The following RNF220 variants were observed in gnomAD, a reference collection of about 807,000 sequenced individuals.
RNF220 encodes the protein E3 ubiquitin-protein ligase RNF220.
A neutral mutation model predicts 67.1 loss-of-function variants in RNF220; 7 were observed. That is an observed-to-expected ratio of 0.10 (90% confidence interval 0.06 to 0.20). The LOEUF (loss-of-function observed/expected upper bound fraction) is 0.20. Among genes scored for constraint, RNF220 ranks in the 10% least tolerant of loss-of-function variants. RNF220 has a pLI of 1.00. For missense variants in RNF220, 565 were observed against 740.3 expected, an observed-to-expected ratio of 0.76 and a Z score of 2.75; for synonymous variants, 270 against 283.2, an observed-to-expected ratio of 0.95 and a Z score of 0.47.
At chr1:44,584,616 C>T (rs74070538) in intron 2 of RNF220, among the ~76,000 whole-genome samples, 3,875 of 152,278 alleles carry the variant, frequency 0.025, 160 homozygotes, top group African/African-American at 0.088. Flanking sequence ...ACGTGGGGCT[C>T]AGGTATATGT....
intron 2 of RNF220, among the ~76,000 whole-genome samples, chr1:44,438,758 C>T (rs1457173811): frequency 6.6e-6 from 1 of 152,212 alleles, no homozygotes; most frequent in Non-Finnish European, 1.5e-5. Context: ...GAATAAAACA[C>T]ATAGACAAAA....
At chr1:44,640,378 C>CTA (rs1180948510) in intron 8 of RNF220, among the ~76,000 whole-genome samples, 1 of 152,236 alleles carries the variant, frequency 6.6e-6, no homozygotes, top group Non-Finnish European at 1.5e-5. Flanking sequence ...GACTCCCTAC[C>CTA]ATCTTTAGTT....
intron 7 of RNF220, 48 bp from the exon 8 acceptor site, chr1:44,635,982 A>G: frequency 6.2e-7 from 1 of 1,613,394 alleles, no homozygotes; most frequent in Non-Finnish European, 8.5e-7. Flanking sequence ...TGTGGGGAGC[A>G]GGTGGGGATG....
At chr1:44,527,772 A>T (rs1290669291) in intron 2 of RNF220, among the ~76,000 whole-genome samples, 1 of 151,728 alleles carries the variant, frequency 6.6e-6, no homozygotes, top group Non-Finnish European at 1.5e-5. Flanking sequence ...CTAAAAATAC[A>T]AAAATTAGCC....
At chr1:44,536,727 G>A (rs186641479) in intron 2 of RNF220, among the ~76,000 whole-genome samples, 31 of 152,124 alleles carry the variant, frequency 2.0e-4, no homozygotes, top group Non-Finnish European at 2.8e-4. Flanking sequence ...TCTTTATTCC[G>A]CCCAAACCTC....
intron 2 of RNF220, among the ~76,000 whole-genome samples, chr1:44,604,716 C>T (rs1039767145): frequency 1.3e-5 from 2 of 152,242 alleles, no homozygotes; most frequent in Non-Finnish European, 2.9e-5. Flanking sequence ...ACCCAGGAGC[C>T]ATGTCTGGCT....
intron 2 of RNF220, among the ~76,000 whole-genome samples, chr1:44,436,241 A>G (rs1176120582): frequency 6.6e-6 from 1 of 152,140 alleles, no homozygotes. Flanking sequence ...CACCTAAAGC[A>G]GCCTGGGCCT....
chr1:44,500,740 G>T (rs1657766161), intron 2 of RNF220, among the ~76,000 whole-genome samples: 1 of 152,196 alleles, frequency 6.6e-6, no homozygotes, highest in South Asian at 2.1e-4. Flanking sequence ...CCCCTCCCCA[G>T]AGCCTGCCAG....
intron 2 of RNF220, among the ~76,000 whole-genome samples, chr1:44,562,649 G>C (rs557251377): frequency 6.6e-5 from 10 of 152,280 alleles, no homozygotes; most frequent in Middle Eastern, 6.8e-3. Flanking sequence ...AGTCGGGGTT[G>C]GGGGGTTGGT....
rs140821034 is a variant in RNF220, at chr1:44,621,822, C to T, written c.759-920C>T. Among the ~76,000 whole-genome samples, 3 of 152,310 alleles carry T rather than the reference C, an allele frequency of 2.0e-5. No homozygotes were observed. In the East Asian group the frequency reaches 5.8e-4, roughly 29 times the overall value. On this transcript the variant is annotated intron_variant, in intron 3 of 14. Coordinates refer to ENST00000361799, the MANE Select transcript of RNF220 (RefSeq NM_018150.4). The surrounding 1 kb of genome is among the most constrained non-coding windows in gnomAD (Gnocchi z 4.8). ...TGTACGTTATACCTCATATGTGTGT[C>T]TGTGCAGGGACCCTATGTGAATGGG...
At chr1:44,605,780 A>C (rs554342769) in intron 2 of RNF220, among the ~76,000 whole-genome samples, 11 of 152,172 alleles carry the variant, frequency 7.2e-5, no homozygotes, top group Non-Finnish European at 1.5e-4. Flanking sequence ...AGGTTGTGCA[A>C]CTAGCCCCTG....
rs187765099 is a variant in RNF220 at position 44,441,006 on chromosome 1, A to T, written c.625+28284A>T. 2.6e-5 allele frequency among the ~76,000 whole-genome samples: 4 copies of T among 152,304 alleles called. No homozygotes were observed. In the East Asian group the frequency reaches 7.7e-4, roughly 29 times the overall value. ...GAGAGCCGCTGGCCTGCGGAGTCCC[A>T]TGTGAAGCCTGTCAAGGGGGACCCC... On this transcript the variant is annotated intron_variant, in intron 2 of 14. Coordinates refer to ENST00000361799, the MANE Select transcript of RNF220 (RefSeq NM_018150.4).
rs376089815 is a variant in RNF220 at position 44,407,840 on chromosome 1, G to C, written c.-118+2310G>C. On this transcript the variant is annotated intron_variant, in intron 1 of 14. Transcript: ENST00000361799. ...TGGTGCGCGCGGCGGCGGGACCCGG[G>C]TGACCCCCGGGGCGGGGCTGCTCGG... is the stretch of plus-strand genomic sequence containing the variant. Among the ~76,000 whole-genome samples, 55 of 152,292 alleles carry C rather than the reference G, an allele frequency of 3.6e-4. No individual in the cohort carries two copies. In the East Asian group the frequency reaches 9.5e-3, roughly 26 times the overall value.
chr1:44,543,783 G>A (rs1358455281), intron 2 of RNF220, among the ~76,000 whole-genome samples: 1 of 152,116 alleles, frequency 6.6e-6, no homozygotes, highest in African/African-American at 2.4e-5. Flanking sequence ...GCTGTGGGGG[G>A]AGATATCTCT....
intron 2 of RNF220, 48 bp from the exon 3 acceptor site, chr1:44,614,117 C>T: frequency 1.2e-6 from 2 of 1,609,458 alleles, no homozygotes; most frequent in Non-Finnish European, 1.7e-6. Flanking sequence ...GGTCTGCCTC[C>T]TGGACTAGCC....
At chr1:44,539,987 G>A (rs924199632) in intron 2 of RNF220, among the ~76,000 whole-genome samples, 1 of 152,216 alleles carries the variant, frequency 6.6e-6, no homozygotes, top group Non-Finnish European at 1.5e-5. Context: ...TAGCCTGCCA[G>A]CTCTCTTTGA....
intron 2 of RNF220, among the ~76,000 whole-genome samples, chr1:44,513,486 A>C (rs1558000190): frequency 6.6e-6 from 1 of 152,042 alleles, no homozygotes; most frequent in Non-Finnish European, 1.5e-5. Flanking sequence ...TTTAAAAAAA[A>C]ACACACAAAA....
At chr1:44,635,806 T>C (rs2236219) in intron 7 of RNF220, 512,134 of 1,308,742 alleles carry the variant, frequency 0.39, 103,143 homozygotes, top group African/African-American at 0.49. Flanking sequence ...TGCTCTCTCC[T>C]TTTGCTTTCA....
rs188001117 is a variant in RNF220, at chr1:44,575,793, A to G, written c.626-38372A>G. The stretch of plus-strand genomic sequence containing the variant: ...TACCTTGCAATTCAACAATCCCACT[A>G]CTGGGTATTTATCCAAAGGGAAGAA... On this transcript the variant is annotated intron_variant, in intron 2 of 14. Transcript: ENST00000361799. Among the ~76,000 whole-genome samples the G allele has an allele frequency of 6.6e-4, 100 of 152,360 alleles. 1 individual carries two copies. The East Asian group carries it at 0.011, about 17-fold the overall frequency.
Sources: allele counts gnomAD v4.1 joint callset (sites outside exome capture counted in the v4.1 genomes callset), GRCh38; gene constraint gnomAD v4.1.1; non-coding constraint Gnocchi (gnomAD v3.1); transcripts MANE v1.5; gene names NCBI Gene and HGNC (gene_info 2026-07-23, HGNC 2026-07-21).